The following HMHB1 variants were observed in gnomAD, a reference collection of about 807,000 sequenced individuals.
The protein encoded by HMHB1 is histocompatibility minor HB-1.
A neutral mutation model predicts 2.4 loss-of-function variants in HMHB1; 4 were observed. The observed-to-expected ratio is 1.65, with a 90% CI of 0.81 to 3.77. The LOEUF (loss-of-function observed/expected upper bound fraction) is 3.77. HMHB1 is among the 30% of genes most tolerant of loss of function. The pLI is 0.01. For missense variants in HMHB1, 57 were observed against 44.2 expected (o/e 1.29, Z -0.82); for synonymous variants, 22 against 17.6 (o/e 1.25, Z -0.63).
intron 1 of HMHB1, among the ~76,000 whole-genome samples, chr5:143,813,746 CT>C (rs1019191785): frequency 3.9e-5 from 6 of 152,018 alleles, no homozygotes; most frequent in Admixed American, 6.6e-5. Context: ...ATAAAATTAA[CT>C]TTTTTTATCT....
intron 1 of HMHB1, among the ~76,000 whole-genome samples, chr5:143,817,190 G>A (rs1180474169): frequency 5.3e-5 from 8 of 152,210 alleles, no homozygotes; most frequent in South Asian, 2.1e-4. Flanking sequence ...CTTTTGCTGC[G>A]TAAAAGCTCT....
chr5:143,820,318 T>TAGAAAAAAAAAAAA, intron 1 of HMHB1, among the ~76,000 whole-genome samples, 162 bp from the exon 2 acceptor site: 1 of 47,564 alleles, frequency 2.1e-5, no homozygotes, highest in Non-Finnish European at 4.1e-5. Context: ...TCATCATAAG[T>TAGAAAAAAAAAAAA]AAAAAAAAAA....
At chr5:143,817,683 C>A (rs1373109799) in intron 1 of HMHB1, among the ~76,000 whole-genome samples, 3 of 151,940 alleles carry the variant, frequency 2.0e-5, no homozygotes, top group African/African-American at 7.3e-5. Context: ...TTTGGCTATG[C>A]GGGCTCTTTT....
At chr5:143,820,328 A>AAAAAAAAAAAAAAAAAAAAAAAAAAAC in intron 1 of HMHB1, 152 bp from the exon 2 acceptor site, 1 of 249,604 alleles carries the variant, frequency 4.0e-6, no homozygotes, top group Non-Finnish European at 7.0e-6. Context: ...TAAAAAAAAA[A>AAAAAAAAAAAAAAAAAAAAAAAAAAAC]AAAAAAAAAA....
rs1025574584 is a variant in HMHB1, at chr5:143,812,318, G to A, written c.37+14G>A. 6.4e-7 allele frequency: 1 copy of A among 1,551,140 alleles called. No individual in the cohort carries two copies. Among genetic ancestry groups the A allele is most frequent in the South Asian group, 1.2e-5 (1 of 84,038 alleles). On this transcript the variant is annotated intron_variant, in intron 1 of 1. Coordinates refer to ENST00000289448, the MANE Select transcript of HMHB1 (RefSeq NM_021182.3). ...AAGAAAAAAGAGGTGAGGGAGCGAG[G>A]AGGAGGGAGAACAGAGAGAGAGGGA... is the stretch of plus-strand genomic sequence containing the variant.
At chr5:143,812,448 G>A in intron 1 of HMHB1, 144 bp downstream of exon 1, 2 of 755,036 alleles carry the variant, frequency 2.6e-6, no homozygotes, top group South Asian at 3.5e-5. Context: ...GGAGAGGAGT[G>A]AGACGGCCCT....
intron 1 of HMHB1, among the ~76,000 whole-genome samples, chr5:143,813,900 A>G (rs944409004): frequency 2.6e-5 from 4 of 152,222 alleles, no homozygotes; most frequent in Admixed American, 6.5e-5. Context: ...AACTCAGTGC[A>G]GAGGCAAATA....
Position 143,816,025 on chromosome 5 carries a change from G to T in HMHB1, c.37+3721G>T, listed in dbSNP as rs556831443. ...CCAGCCCTCTTTTCCACTTTTAAGG[G>T]CCCTTTTATTACATTAAGCTTTCTC... On this transcript the variant is annotated intron_variant, in intron 1 of 1. Transcript: ENST00000289448. Among the ~76,000 whole-genome samples the T allele has an allele frequency of 6.6e-5, 10 of 152,114 alleles. No individual in the cohort carries two copies. In the South Asian group the frequency reaches 2.1e-3, roughly 32 times the overall value.
intron 1 of HMHB1, among the ~76,000 whole-genome samples, chr5:143,817,978 A>G (rs1759768122): frequency 6.6e-6 from 1 of 152,250 alleles, no homozygotes. Context: ...AAGGCTCAAT[A>G]TTAAGACAGC....
chr5:143,819,837 T>G (rs1484263900), intron 1 of HMHB1, among the ~76,000 whole-genome samples: 1 of 152,168 alleles, frequency 6.6e-6, no homozygotes, highest in East Asian at 1.9e-4. Context: ...CATCAGATAT[T>G]CTTGCCCTTA....
Position 143,820,454 on chromosome 5 carries a change from C to G in HMHB1, c.38-26C>G, listed in dbSNP as rs547149353. 2.8e-6 allele frequency: 4 copies of G among 1,422,718 alleles called. No homozygotes were observed. The South Asian group carries it at 4.6e-5, about 16-fold the overall frequency. 88.1% of individuals were successfully genotyped at this position (1,422,718 alleles called of 1,614,324 possible). A position where few individuals can be genotyped will look rare whatever the true frequency, so the allele number is the denominator to read the frequency against. Reference sequence around the variant, plus strand: ...CTGCTGAGAAGTTGTAAGCTCAAGTCTCAGCTAAGCCATTCTTTTCTATAG... The same window carrying G: ...CTGCTGAGAAGTTGTAAGCTCAAGTGTCAGCTAAGCCATTCTTTTCTATAG... On this transcript the variant is annotated intron_variant, in intron 1 of 1. Transcript: ENST00000289448.
intron 1 of HMHB1, among the ~76,000 whole-genome samples, chr5:143,819,432 TA>T (rs1375123432): frequency 6.6e-6 from 1 of 152,016 alleles, no homozygotes; most frequent in Non-Finnish European, 1.5e-5. Context: ...TAATACAGTT[TA>T]AAAAGGGTCA....
At chr5:143,812,835 C>T (rs1438065114) in intron 1 of HMHB1, among the ~76,000 whole-genome samples, 1 of 152,200 alleles carries the variant, frequency 6.6e-6, no homozygotes, top group Non-Finnish European at 1.5e-5. Flanking sequence ...CTCACAGAAG[C>T]ACTTGAGGGG....
rs535757568 is a variant in HMHB1, at chr5:143,817,552, C to G, written c.38-2928C>G. The stretch of plus-strand genomic sequence containing the variant: ...TTTATTTCTGGTTCTCTATTCTGTT[C>G]CATTGGTCTATGTGCCTATTTTTAT... On this transcript the variant is annotated intron_variant, in intron 1 of 1. Coordinates refer to ENST00000289448, the MANE Select transcript of HMHB1 (RefSeq NM_021182.3). Among the ~76,000 whole-genome samples, 5 of 152,250 alleles carry G rather than the reference C, an allele frequency of 3.3e-5. No homozygotes were observed. In the East Asian group the frequency reaches 9.6e-4, roughly 29 times the overall value.
intron 1 of HMHB1, among the ~76,000 whole-genome samples, chr5:143,815,487 C>T (rs1282219814): frequency 6.6e-6 from 1 of 151,770 alleles, no homozygotes; most frequent in East Asian, 1.9e-4. Flanking sequence ...TTGCTTCCCT[C>T]TTCTACTTTT....
chr5:143,818,282 T>C lies in HMHB1; in HGVS notation c.38-2198T>C, dbSNP rs745424582. 2.4e-4 allele frequency among the ~76,000 whole-genome samples: 36 copies of C among 152,168 alleles called. 1 individual carries two copies. Among genetic ancestry groups the C allele is most frequent in the Admixed American group, 3.3e-4 (5 of 15,276 alleles). On this transcript the variant is annotated intron_variant, in intron 1 of 1. Transcript: ENST00000289448. ...ACCTTTACACATCCACCAGAACTTA[T>C]AGAATTCTTTAGGGGAAGGGTAGGG...
At chr5:143,819,721 T>C (rs1050565721) in intron 1 of HMHB1, among the ~76,000 whole-genome samples, 1 of 152,110 alleles carries the variant, frequency 6.6e-6, no homozygotes, top group African/African-American at 2.4e-5. Flanking sequence ...CATTTAGATT[T>C]TATCCAGTTC....
Position 143,820,589 on chromosome 5 carries a change from T to C in HMHB1, c.*21T>C, listed in dbSNP as rs1759803663. 6.5e-7 allele frequency: 1 copy of C among 1,538,352 alleles called. No homozygotes were observed. The highest frequency in any genetic ancestry group is 9.0e-7 in the Non-Finnish European group (1 of 1,112,022). ...TTTGACACTGCTGTTGAGGTTTGAC[T>C]CGAAGCCCAGAGTTTTGGTGTGGAT... On this transcript the variant is annotated 3_prime_UTR_variant, in exon 2 of 2. Coordinates refer to ENST00000289448, the MANE Select transcript of HMHB1 (RefSeq NM_021182.3).
Position 143,812,277 on chromosome 5 carries a change from C to T in HMHB1, c.10C>T (p.Gln4Ter). The change falls in exon 1 of 2, where the codon CAG becomes TAG. Residue 4 changes from glutamine to a stop codon, truncating the protein, a stop_gained. Coordinates refer to ENST00000289448, the MANE Select transcript of HMHB1 (RefSeq NM_021182.3). LOFTEE classifies it low-confidence loss of function (END_TRUNC). ...AGTGGAGAAACCAGAACTGGAGGAG[C>T]AGCCAGAATGCAGAGAAGAAAAAAG... The T allele has an allele frequency of 1.3e-6, 2 of 1,551,506 alleles. No homozygotes were observed. Among genetic ancestry groups the T allele is most frequent in the Non-Finnish European group, 1.7e-6 (2 of 1,146,948 alleles).
Sources: allele counts gnomAD v4.1 joint callset (sites outside exome capture counted in the v4.1 genomes callset), GRCh38; gene constraint gnomAD v4.1.1; transcripts MANE v1.5; gene names NCBI Gene and HGNC (gene_info 2026-07-23, HGNC 2026-07-21).